Variants in DAB1 observed in about 807,000 individuals in gnomAD.
DAB1 encodes the protein disabled homolog 1.
DAB1 carries 15 observed loss-of-function variants against 64.6 expected under a neutral mutation model. The ratio of observed to expected loss-of-function variants is 0.23; its 90% confidence interval spans 0.16 to 0.36. The LOEUF (loss-of-function observed/expected upper bound fraction) is 0.36, where lower values mean the gene tolerates loss of function less well. DAB1 is among the 10% of genes least tolerant of loss of function. The pLI is 1.00. For synonymous variants in DAB1, 235 were observed against 251.9 expected (o/e 0.93, Z 0.64); for missense variants, 596 against 706.7 (o/e 0.84, Z 1.78).
chr1:57,505,469 C>T (rs1198725233), intron 7 of DAB1, among the ~76,000 whole-genome samples: 1 of 152,092 alleles, frequency 6.6e-6, no homozygotes, highest in African/African-American at 2.4e-5. Context: ...ACCTCCAGAA[C>T]AAAAGGATTC....
intron 7 of DAB1, among the ~76,000 whole-genome samples, chr1:57,443,344 G>C (rs1479250066): frequency 6.6e-6 from 1 of 152,170 alleles, no homozygotes; most frequent in Non-Finnish European, 1.5e-5. Context: ...GAGAAACAGA[G>C]GGCCATCTAA....
At chr1:57,208,720 T>G (rs1247944732) in intron 2 of DAB1, among the ~76,000 whole-genome samples, 1 of 152,208 alleles carries the variant, frequency 6.6e-6, no homozygotes, top group Non-Finnish European at 1.5e-5. Context: ...TGCATTTTCT[T>G]TCTCCAGTTT....
At chr1:58,131,929 C>A (rs2100696970) in intron 5 of DAB1, among the ~76,000 whole-genome samples, 1 of 151,030 alleles carries the variant, frequency 6.6e-6, no homozygotes, top group East Asian at 2.0e-4. Context: ...GTGCCCTGCC[C>A]CCAGAGGTGG....
intron 4 of DAB1, among the ~76,000 whole-genome samples, chr1:58,339,285 A>C (rs1663195864): frequency 6.6e-6 from 1 of 152,196 alleles, no homozygotes; most frequent in African/African-American, 2.4e-5. Context: ...TTCATTCAAC[A>C]AATATTTATC....
chr1:58,375,019 T>C (rs1432817885), intron 3 of DAB1, among the ~76,000 whole-genome samples: 23 of 139,180 alleles, frequency 1.7e-4, no homozygotes, highest in Admixed American at 1.4e-3. Context: ...GTGATTTTTG[T>C]ACATTGATTT....
upstream of DAB1, among the ~76,000 whole-genome samples, chr1:57,424,900 G>C (rs146589401): frequency 6.6e-6 from 1 of 152,214 alleles, no homozygotes; most frequent in African/African-American, 2.4e-5. Flanking sequence ...TCCCCTACTC[G>C]GCTCTTAGAA....
intron 4 of DAB1, among the ~76,000 whole-genome samples, chr1:57,095,015 G>A (rs982906987): frequency 6.6e-6 from 1 of 152,174 alleles, no homozygotes; most frequent in African/African-American, 2.4e-5. Context: ...ATGACTTCCT[G>A]TGAAAAGCCC....
chr1:58,471,312 C>A (rs989178975), intron 3 of DAB1, among the ~76,000 whole-genome samples: 1 of 152,174 alleles, frequency 6.6e-6, no homozygotes, highest in Non-Finnish European at 1.5e-5. Context: ...TCTGTGGCCT[C>A]TCTCTTCTCA....
intron 4 of DAB1, among the ~76,000 whole-genome samples, chr1:57,134,998 G>A (rs975386626): frequency 6.6e-6 from 1 of 152,210 alleles, no homozygotes; most frequent in African/African-American, 2.4e-5. Flanking sequence ...AATGTTGCAA[G>A]AATGAAACTG....
At chr1:57,023,710 A>G in intron 10 of DAB1, 71 bp from the exon 11 acceptor site, 2 of 1,002,102 alleles carry the variant, frequency 2.0e-6, no homozygotes, top group African/African-American at 1.6e-5. Flanking sequence ...GAGGTAGCAG[A>G]TGCAGGAATT....
At chr1:57,080,119 T>C (rs931872864) in intron 4 of DAB1, among the ~76,000 whole-genome samples, 2 of 152,346 alleles carry the variant, frequency 1.3e-5, no homozygotes, top group African/African-American at 4.8e-5. Flanking sequence ...TATTCAGTAA[T>C]GTGGCATTAA....
At chr1:57,057,595 G>A (rs1445924241) in intron 9 of DAB1, among the ~76,000 whole-genome samples, 1 of 149,518 alleles carries the variant, frequency 6.7e-6, no homozygotes, top group African/African-American at 2.5e-5. Flanking sequence ...GGGGTAGAAG[G>A]ACTACACTGA....
chr1:57,979,394 T>C (rs1048946302), intron 5 of DAB1, among the ~76,000 whole-genome samples: 9 of 151,530 alleles, frequency 5.9e-5, no homozygotes, highest in African/African-American at 1.9e-4. Flanking sequence ...GAGGGGAACA[T>C]CACAGACCAG....
chr1:58,285,878 G>A (rs996563384), intron 4 of DAB1, among the ~76,000 whole-genome samples: 30 of 152,020 alleles, frequency 2.0e-4, no homozygotes, highest in African/African-American at 7.0e-4. Flanking sequence ...AGTAAAAAGA[G>A]CAAAGCTGGA....
chr1:57,923,712 G>A (rs977953706), intron 5 of DAB1, among the ~76,000 whole-genome samples: 3 of 152,320 alleles, frequency 2.0e-5, no homozygotes, highest in East Asian at 1.9e-4. Flanking sequence ...TAACAGGGCT[G>A]AAACAAGAAC....
intron 2 of DAB1, among the ~76,000 whole-genome samples, chr1:57,235,510 A>T (rs1259319408): frequency 6.6e-6 from 1 of 152,146 alleles, no homozygotes; most frequent in East Asian, 1.9e-4. Flanking sequence ...GATTTAAATG[A>T]TTGTGTAGCA....
At chr1:58,489,129 C>T (rs1376795588) in intron 3 of DAB1, among the ~76,000 whole-genome samples, 3 of 152,104 alleles carry the variant, frequency 2.0e-5, no homozygotes, top group Non-Finnish European at 4.4e-5. Flanking sequence ...GAGCGTGAGC[C>T]GAAGTAGGGC....
In DAB1 at chr1:57,710,762, T is replaced by C. The variant is rs144164285; in HGVS notation, n.552-61097A>G. ...TATCTAGGTTTTTAGTGTGTGTGTG[T>C]GGAATAAAGAGTTTAATAGACAAGA... On this transcript the variant is annotated intron_variant and non_coding_transcript_variant, in intron 6 of 20. Transcript: ENST00000485760. Among the ~76,000 whole-genome samples, 505 of 152,184 alleles carry C rather than the reference T, an allele frequency of 3.3e-3. 5 individuals carry two copies. The highest frequency in any genetic ancestry group is 0.012 in the African/African-American group (486 of 41,514).
At chr1:57,038,827 C>T (rs534579943) in intron 9 of DAB1, among the ~76,000 whole-genome samples, 4 of 152,226 alleles carry the variant, frequency 2.6e-5, no homozygotes, top group South Asian at 4.1e-4. Context: ...AGGGGAAGTT[C>T]GGCATGGGGA....
Sources: gnomAD v4.1 joint callset for allele counts (sites outside exome capture counted in the v4.1 genomes callset) on GRCh38, gnomAD v4.1.1 for gene constraint, MANE v1.5 for transcripts, NCBI Gene and HGNC (gene_info 2026-07-23, HGNC 2026-07-21) for gene names.